The following TOMM20 variants were observed in gnomAD, a reference collection of about 807,000 sequenced individuals.
TOMM20 encodes the protein mitochondrial import receptor subunit TOM20 homolog.
A neutral mutation model predicts 22.1 loss-of-function variants in TOMM20; 10 were observed. The observed-to-expected ratio is 0.45, with a 90% confidence interval of 0.28 to 0.77. The LOEUF (loss-of-function observed/expected upper bound fraction) is 0.77. TOMM20 is among the 30% of genes least tolerant of loss of function. The pLI is 0.13. For missense variants in TOMM20, 121 were observed against 172.2 expected, an observed-to-expected ratio of 0.70 and a Z score of 1.66; for synonymous variants, 55 against 61.4, an observed-to-expected ratio of 0.90 and a Z score of 0.49.
At chr1:235,122,487 G>A in intron 1 of TOMM20, 115 bp from the exon 2 acceptor site, 2 of 923,470 alleles carry the variant, frequency 2.2e-6, no homozygotes, top group Non-Finnish European at 3.3e-6. Flanking sequence ...CTAACTCTAG[G>A]AATCTATCCC....
At chr1:235,126,383 G>A (rs902474058) in intron 1 of TOMM20, among the ~76,000 whole-genome samples, 3 of 151,598 alleles carry the variant, frequency 2.0e-5, no homozygotes, top group Non-Finnish European at 4.4e-5. Flanking sequence ...CGCCCACCTC[G>A]GCCTCCCAAA....
intron 1 of TOMM20, among the ~76,000 whole-genome samples, chr1:235,125,742 CTT>C (rs397863373): frequency 2.5e-4 from 35 of 141,242 alleles, no homozygotes; most frequent in African/African-American, 2.3e-4. Context: ...CGCAACTGCA[CTT>C]TTTTTTTTTT....
intron 1 of TOMM20, among the ~76,000 whole-genome samples, chr1:235,123,297 C>T (rs988483172): frequency 6.6e-6 from 1 of 152,086 alleles, no homozygotes; most frequent in African/African-American, 2.4e-5. Context: ...CCAGCCTGGC[C>T]AACATAGTGA....
chr1:235,118,235 T>C (rs1238501236), intron 3 of TOMM20, among the ~76,000 whole-genome samples: 1 of 152,262 alleles, frequency 6.6e-6, no homozygotes, highest in Non-Finnish European at 1.5e-5. Flanking sequence ...TTTTGCTGAC[T>C]GGATAGCCAG....
chr1:235,127,775 G>A (rs765301468), intron 1 of TOMM20: 2 of 474,664 alleles, frequency 4.2e-6, no homozygotes, highest in Admixed American at 4.4e-5. Context: ...TTCATGACAC[G>A]ATTCCCCTCT....
chr1:235,112,102 C>T lies in TOMM20; in HGVS notation c.400G>A (p.Val134Ile), dbSNP rs778955929. ...TCTTCAGCCAAGCTCTGAGCACTTA[C>T]AATTCTCTGAAAGAAAAAAAAAATA... ...TKLPTISQRI[V>I]SAQSLAEDDV... is the part of the protein sequence containing the mutation. The change falls in exon 5 of 5, where the codon GTA becomes ATA. Residue 134 changes from valine (V) to isoleucine (I), a missense_variant. Physicochemically the swap from Val to Ile is conservative, Grantham distance 29. Coordinates refer to ENST00000366607, the MANE Select transcript of TOMM20 (RefSeq NM_014765.3). 11 of 1,603,842 alleles carry T rather than the reference C, an allele frequency of 6.9e-6. No homozygotes were observed. Among genetic ancestry groups the T allele is most frequent in the Non-Finnish European group, 9.4e-6 (11 of 1,175,996 alleles).
At position 235,110,125 on chromosome 1, in the gene TOMM20, C is replaced by T. The variant is rs1660716131; in HGVS notation, c.*1939G>A. 6.6e-6 allele frequency: 1 copy of T among 152,152 alleles called. No homozygotes were observed. Among genetic ancestry groups the T allele is most frequent in the East Asian group, 1.9e-4 (1 of 5,196 alleles). 9.4% of individuals were successfully genotyped at this position (152,152 alleles called of 1,614,324 possible). A position where few individuals can be genotyped will look rare whatever the true frequency, so the allele number is the denominator to read the frequency against. On this transcript the variant is annotated 3_prime_UTR_variant, in exon 5 of 5. Transcript: ENST00000366607. ...ATGAACTGTAAAATGAAGATACCAA[C>T]GCCTTTTCAAGCATTACAGCAAAGC... is the stretch of plus-strand genomic sequence containing the variant.
chr1:235,125,405 C>T (rs1218611665), intron 1 of TOMM20, among the ~76,000 whole-genome samples: 8 of 151,812 alleles, frequency 5.3e-5, no homozygotes, highest in South Asian at 2.1e-4. Context: ...TTAGTAAAGA[C>T]GGGGTTTCAC....
intron 3 of TOMM20, among the ~76,000 whole-genome samples, chr1:235,118,252 G>A (rs180757757): frequency 2.0e-5 from 3 of 152,204 alleles, no homozygotes; most frequent in Non-Finnish European, 2.9e-5. Flanking sequence ...CCAGATCGTC[G>A]TAAGTGGTAT....
At chr1:235,122,592 A>G (rs935172797) in intron 1 of TOMM20, 1 of 396,294 alleles carries the variant, frequency 2.5e-6, no homozygotes, top group Non-Finnish European at 4.5e-6. Flanking sequence ...CCTTTGGGGC[A>G]GAAGATCTAG....
intron 4 of TOMM20, 116 bp from the exon 5 acceptor site, chr1:235,112,224 T>C: frequency 1.2e-6 from 1 of 812,342 alleles, no homozygotes; most frequent in Non-Finnish European, 1.9e-6. Context: ...AGTTCACCCA[T>C]TCTGACATTT....
At position 235,116,933 on chromosome 1, in the gene TOMM20, A is replaced by G. The variant is rs181640792; in HGVS notation, c.250+2885T>C. Among the ~76,000 whole-genome samples the G allele has an allele frequency of 9.5e-4, 143 of 150,764 alleles. 2 individuals are homozygous for G. The highest frequency in any genetic ancestry group is 2.3e-3 in the African/African-American group (93 of 41,022). ...GGCGGATCACAAGGTCAGGAGATCG[A>G]GACCATCCTGGCTAACATGGTGAAA... On this transcript the variant is annotated intron_variant, in intron 3 of 4. Transcript: ENST00000366607.
chr1:235,122,752 C>A (rs1313366791), intron 1 of TOMM20, among the ~76,000 whole-genome samples: 1 of 152,142 alleles, frequency 6.6e-6, no homozygotes, highest in Non-Finnish European at 1.5e-5. Flanking sequence ...CTGAAATATG[C>A]CAGATTATAT....
At chr1:235,128,032 G>A in intron 1 of TOMM20, 1 of 347,634 alleles carries the variant, frequency 2.9e-6, no homozygotes, top group Non-Finnish European at 5.7e-6. Context: ...AAAATCACCG[G>A]GCGTGGTGAC....
At position 235,120,958 on chromosome 1, in the gene TOMM20, T is replaced by C. The variant is rs561330329; in HGVS notation, c.169-1059A>G. On this transcript the variant is annotated intron_variant, in intron 2 of 4. Transcript: ENST00000366607. Reference sequence around the variant, plus strand: ...GGCTCATGCCTGTAATCCCAGCACATTGGGAGTCCAAGGCGGGCAGATCAC... The same window carrying C: ...GGCTCATGCCTGTAATCCCAGCACACTGGGAGTCCAAGGCGGGCAGATCAC... 4.8e-4 allele frequency among the ~76,000 whole-genome samples: 72 copies of C among 151,470 alleles called. 1 individual carries two copies. In the South Asian group the frequency reaches 6.3e-3, roughly 13 times the overall value.
In TOMM20 at chr1:235,109,343, T is replaced by C. The variant is rs1295771492; in HGVS notation, c.*2721A>G. ...TCCAAACATACGCCAAGCCAAAGTT[T>C]TCTCCAAGCCCTTTAATATTCACTT... On this transcript the variant is annotated 3_prime_UTR_variant, in exon 5 of 5. Coordinates refer to ENST00000366607, the MANE Select transcript of TOMM20 (RefSeq NM_014765.3). The C allele has an allele frequency of 6.6e-6, 1 of 152,242 alleles. No individual in the cohort carries two copies. Among genetic ancestry groups the C allele is most frequent in the Non-Finnish European group, 1.5e-5 (1 of 68,040 alleles). 9.4% of individuals were successfully genotyped at this position (152,242 alleles called of 1,614,324 possible). A position where few individuals can be genotyped will look rare whatever the true frequency, so the allele number is the denominator to read the frequency against.
intron 1 of TOMM20, among the ~76,000 whole-genome samples, chr1:235,125,302 C>T (rs1218706254): frequency 6.6e-6 from 1 of 152,178 alleles, no homozygotes. Context: ...GTAAGCTCCG[C>T]CTCCCGAGTT....
chr1:235,123,341 C>T (rs368595232), intron 1 of TOMM20, among the ~76,000 whole-genome samples: 80 of 152,210 alleles, frequency 5.3e-4, no homozygotes, highest in African/African-American at 1.9e-3. Context: ...AAAAATTAGC[C>T]GGGCATGGTG....
At position 235,122,674 on chromosome 1, in the gene TOMM20, C is replaced by A. The variant is rs181471739; in HGVS notation, c.122-302G>T. ...ATTACAATAAGCAGATCAAGTCCCC[C>A]CTTCCAACCAACAAAGGATATGTAA... is the stretch of plus-strand genomic sequence containing the variant. On this transcript the variant is annotated intron_variant, in intron 1 of 4. Coordinates refer to ENST00000366607, the MANE Select transcript of TOMM20 (RefSeq NM_014765.3). Among the ~76,000 whole-genome samples, 1,314 of 152,300 alleles carry A rather than the reference C, an allele frequency of 8.6e-3. 14 individuals carry two copies. The highest frequency in any genetic ancestry group is 0.014 in the Non-Finnish European group (924 of 68,032).
Sources: gnomAD v4.1 joint callset for allele counts (sites outside exome capture counted in the v4.1 genomes callset) on GRCh38, gnomAD v4.1.1 for gene constraint, MANE v1.5 for transcripts, NCBI Gene and HGNC (gene_info 2026-07-23, HGNC 2026-07-21) for gene names.